KCNH1: variants seen among roughly 807,000 people sequenced by gnomAD.
The protein encoded by KCNH1 is potassium voltage-gated channel subfamily H member 1.
Under a neutral mutation model 69.2 loss-of-function variants are expected in KCNH1, and 27 were observed. That is an observed-to-expected ratio of 0.39 (90% confidence interval 0.29 to 0.54). The LOEUF (loss-of-function observed/expected upper bound fraction) is 0.54. Among genes scored for constraint, KCNH1 ranks in the 20% least tolerant of loss-of-function variants. The probability of loss-of-function intolerance (pLI) is 0.68; values close to 1 mark genes in which losing one functional copy is unlikely to be tolerated. For missense variants in KCNH1, 798 were observed against 1,261.6 expected (o/e 0.63, Z 5.57); for synonymous variants, 456 against 487.7 (o/e 0.93, Z 0.86).
chr1:210,835,776 T>C (rs1032348733), intron 7 of KCNH1, among the ~76,000 whole-genome samples: 4 of 152,080 alleles, frequency 2.6e-5, no homozygotes, highest in South Asian at 2.1e-4. Flanking sequence ...AAGAGGACAA[T>C]TGAACAGGGC....
At chr1:211,124,187 T>C (rs767624272) in intron 1 of KCNH1, among the ~76,000 whole-genome samples, 16 of 152,142 alleles carry the variant, frequency 1.1e-4, no homozygotes, top group Non-Finnish European at 2.1e-4. Flanking sequence ...AAATGGAACA[T>C]GAAAGTATTT....
At chr1:210,687,178 CA>C (rs1681424842) in intron 10 of KCNH1, among the ~76,000 whole-genome samples, 1 of 152,174 alleles carries the variant, frequency 6.6e-6, no homozygotes, top group Non-Finnish European at 1.5e-5. Context: ...GGAGTCAACG[CA>C]AAACGGATCC....
chr1:210,903,867 T>G (rs1255467494), intron 7 of KCNH1, among the ~76,000 whole-genome samples: 4 of 152,156 alleles, frequency 2.6e-5, no homozygotes, highest in Non-Finnish European at 5.9e-5. Flanking sequence ...AAAGCAAAAT[T>G]GCTCCTTGGG....
At chr1:210,849,433 C>T (rs112862921) in intron 7 of KCNH1, among the ~76,000 whole-genome samples, 13,571 of 143,214 alleles carry the variant, frequency 0.095, 643 homozygotes, top group Non-Finnish European at 0.11. Flanking sequence ...ATGGCATGAT[C>T]TCAGCTCACT....
intron 6 of KCNH1, among the ~76,000 whole-genome samples, chr1:210,999,265 A>T (rs1689119382): frequency 6.6e-6 from 1 of 152,236 alleles, no homozygotes; most frequent in African/African-American, 2.4e-5. Flanking sequence ...ATAGTCTGCT[A>T]GCAAGACTAA....
rs555432075 is a variant in KCNH1, at chr1:211,066,599, T to C, written c.558+16181A>G. ...TCACATTAGGGATGCTCAACCTGTA[T>C]ATGCCATAGGGTTCATATTAAGAAT... On this transcript the variant is annotated intron_variant, in intron 5 of 10. Coordinates refer to ENST00000271751, the MANE Select transcript of KCNH1 (RefSeq NM_172362.3). 2.0e-5 allele frequency among the ~76,000 whole-genome samples: 3 copies of C among 152,342 alleles called. No homozygotes were observed. In the East Asian group the frequency reaches 5.8e-4, roughly 29 times the overall value.
At chr1:210,694,374 T>C (rs1244427335) in intron 10 of KCNH1, among the ~76,000 whole-genome samples, 1 of 152,052 alleles carries the variant, frequency 6.6e-6, no homozygotes, top group Non-Finnish European at 1.5e-5. Context: ...TTTTTCCCCT[T>C]AGTGACTGAC....
chr1:211,044,348 T>C (rs1375582140), intron 5 of KCNH1, among the ~76,000 whole-genome samples: 1 of 152,054 alleles, frequency 6.6e-6, no homozygotes, highest in Non-Finnish European at 1.5e-5. Context: ...ACCCCTGGCT[T>C]AGGCAAGGAT....
At chr1:210,770,256 A>G (rs1012354138) in intron 10 of KCNH1, among the ~76,000 whole-genome samples, 2 of 152,230 alleles carry the variant, frequency 1.3e-5, no homozygotes, top group African/African-American at 2.4e-5. Context: ...CCTAATGCAC[A>G]TGGGACTTAA....
chr1:210,721,382 C>T (rs1331348359), intron 10 of KCNH1, among the ~76,000 whole-genome samples: 1 of 152,156 alleles, frequency 6.6e-6, no homozygotes, highest in Non-Finnish European at 1.5e-5. Context: ...CTCACAAAGG[C>T]TTCCACTAGC....
intron 10 of KCNH1, among the ~76,000 whole-genome samples, chr1:210,685,193 G>A (rs1327331936): frequency 6.6e-6 from 1 of 152,214 alleles, no homozygotes; most frequent in Non-Finnish European, 1.5e-5. Flanking sequence ...AGCTTACATT[G>A]CATGTGGCAG....
rs928903662 is a variant in KCNH1, at chr1:210,950,692, C to A, written c.1033-30623G>T. Reference sequence around the variant, plus strand: ...CTTAAAGACAGGCCCTCAACAAGGGCTCCAGAATGTGTCCAATTACCACCG... The same window carrying A: ...CTTAAAGACAGGCCCTCAACAAGGGATCCAGAATGTGTCCAATTACCACCG... On this transcript the variant is annotated intron_variant, in intron 6 of 10. Coordinates refer to ENST00000271751, the MANE Select transcript of KCNH1 (RefSeq NM_172362.3). Among the ~76,000 whole-genome samples the A allele has an allele frequency of 5.3e-5, 8 of 152,252 alleles. No individual in the cohort carries two copies. The East Asian group carries it at 1.5e-3, about 29-fold the overall frequency.
At chr1:210,987,428 T>C (rs1196383907) in intron 6 of KCNH1, among the ~76,000 whole-genome samples, 1 of 152,212 alleles carries the variant, frequency 6.6e-6, no homozygotes, top group Non-Finnish European at 1.5e-5. Context: ...CTACCTTTGG[T>C]CTTTGATGAT....
intron 10 of KCNH1, among the ~76,000 whole-genome samples, chr1:210,713,597 T>A (rs1291818728): frequency 6.6e-6 from 1 of 152,198 alleles, no homozygotes; most frequent in African/African-American, 2.4e-5. Context: ...AGTTTTTGTA[T>A]AGAGGTGTCA....
intron 6 of KCNH1, among the ~76,000 whole-genome samples, chr1:210,922,786 A>AATTAAAAGTACCCATAGCCTGC (rs1687492103): frequency 6.6e-6 from 1 of 152,220 alleles, no homozygotes; most frequent in Non-Finnish European, 1.5e-5. Flanking sequence ...CCAACAGTGG[A>AATTAAAAGTACCCATAGCCTGC]ATTAAAAGTA....
chr1:210,914,768 C>A (rs1217935985), intron 7 of KCNH1, among the ~76,000 whole-genome samples: 2 of 150,718 alleles, frequency 1.3e-5, no homozygotes, highest in African/African-American at 4.8e-5. Context: ...TGACGCTCAG[C>A]TAGAGTTTTA....
chr1:211,100,992 C>T (rs74159604), intron 3 of KCNH1, among the ~76,000 whole-genome samples: 2,340 of 152,282 alleles, frequency 0.015, 62 homozygotes, highest in African/African-American at 0.053. Flanking sequence ...CCGCTGCAGC[C>T]CTTTTCATAT....
chr1:210,949,817 C>T (rs376728586), intron 6 of KCNH1, among the ~76,000 whole-genome samples: 2 of 152,192 alleles, frequency 1.3e-5, no homozygotes, highest in South Asian at 2.1e-4. Context: ...ATTCTAAACA[C>T]GGAGCCGCTC....
Position 210,728,127 on chromosome 1 carries a change from C to G in KCNH1, c.2113-43989G>C, listed in dbSNP as rs951857184. Among the ~76,000 whole-genome samples, 2 of 152,186 alleles carry G rather than the reference C, an allele frequency of 1.3e-5. 1 individual carries two copies. Among genetic ancestry groups the G allele is most frequent in the Non-Finnish European group, 2.9e-5 (2 of 68,030 alleles). On this transcript the variant is annotated intron_variant, in intron 10 of 10. Transcript: ENST00000271751. ...ATCAGAACCTACATTCTAAAATAGG[C>G]TCTTCCTGAAGGAAGGTTGGTAAAC...
Sources: allele counts gnomAD v4.1 joint callset (sites outside exome capture counted in the v4.1 genomes callset), GRCh38; gene constraint gnomAD v4.1.1; transcripts MANE v1.5; gene names NCBI Gene and HGNC (gene_info 2026-07-23, HGNC 2026-07-21).